EDIL3: variants seen among roughly 807,000 people sequenced by gnomAD.
The protein encoded by EDIL3 is EGF-like repeat and discoidin I-like domain-containing protein 3.
In EDIL3, 37 loss-of-function variants were observed where a neutral mutation model predicts 67.4. That is an observed-to-expected ratio of 0.55 (90% CI 0.42 to 0.72). The LOEUF is 0.72. EDIL3 is among the 30% of genes least tolerant of loss of function. The pLI is 0.00. For missense variants in EDIL3, 527 were observed against 586.3 expected (o/e 0.90, Z 1.04); for synonymous variants, 195 against 196.3 (o/e 0.99, Z 0.05).
At chr5:84,278,093 T>A (rs1046103611) in intron 1 of EDIL3, among the ~76,000 whole-genome samples, 5 of 152,158 alleles carry the variant, frequency 3.3e-5, no homozygotes, top group African/African-American at 1.2e-4. Context: ...CTCTATTTTA[T>A]AAATGGAAAG....
intron 5 of EDIL3, among the ~76,000 whole-genome samples, chr5:84,109,118 G>A (rs1320253629): frequency 6.6e-6 from 1 of 152,130 alleles, no homozygotes; most frequent in East Asian, 1.9e-4. Flanking sequence ...AAATACCAAT[G>A]AGCGATTTTG....
intron 10 of EDIL3, among the ~76,000 whole-genome samples, chr5:83,946,640 C>T (rs1289697443): frequency 2.6e-5 from 4 of 151,792 alleles, no homozygotes; most frequent in South Asian, 2.1e-4. Flanking sequence ...TTTTATAAGA[C>T]GAGCTACCAT....
chr5:84,016,194 A>C (rs1055013697), intron 9 of EDIL3, among the ~76,000 whole-genome samples: 13 of 152,054 alleles, frequency 8.5e-5, no homozygotes, highest in African/African-American at 2.9e-4. Context: ...CATGTTGTAA[A>C]TCTGTTTTAT....
At chr5:84,382,174 C>T (rs1477886694) in intron 1 of EDIL3, among the ~76,000 whole-genome samples, 2 of 152,216 alleles carry the variant, frequency 1.3e-5, no homozygotes, top group African/African-American at 4.8e-5. Flanking sequence ...TTCCCCTGTC[C>T]TCACAAGCTA....
chr5:84,012,546 C>T (rs1255813729), intron 9 of EDIL3, among the ~76,000 whole-genome samples: 1 of 152,006 alleles, frequency 6.6e-6, no homozygotes, highest in African/African-American at 2.4e-5. Context: ...TTGATGTTCA[C>T]ATTAGAAAAA....
chr5:83,943,334 C>A lies in EDIL3; in HGVS notation c.*85G>T. The A allele has an allele frequency of 1.5e-5, 21 of 1,435,844 alleles. No individual in the cohort carries two copies. Among genetic ancestry groups the A allele is most frequent in the African/African-American group, 2.9e-5 (2 of 68,578 alleles). The allele number at this position is 1,435,844 out of a possible 1,614,324, so 88.9% of individuals were successfully genotyped here. On this transcript the variant is annotated 3_prime_UTR_variant, in exon 11 of 11. Coordinates refer to ENST00000296591, the MANE Select transcript of EDIL3 (RefSeq NM_005711.5). Reference sequence around the variant, plus strand: ...TCATGAAAAAAAAAAAAAAACCATTCAGTTTCCTACAGATTTTGCACAGTT... The same window carrying A: ...TCATGAAAAAAAAAAAAAAACCATTAAGTTTCCTACAGATTTTGCACAGTT...
At position 84,384,860 on chromosome 5, in the gene EDIL3, A is replaced by G. The variant is rs1341632425; in HGVS notation, c.-486T>C. The G allele has an allele frequency of 2.0e-5, 3 of 152,380 alleles. No homozygotes were observed. In the East Asian group the frequency reaches 5.9e-4, roughly 30 times the overall value. The allele number at this position is 152,380 out of a possible 1,614,324, so 9.4% of individuals were successfully genotyped here. On this transcript the variant is annotated 5_prime_UTR_variant, in exon 1 of 11. Coordinates refer to ENST00000296591, the MANE Select transcript of EDIL3 (RefSeq NM_005711.5). ...GGGCCGCCGGGAGCGCACTGTGTAC[A>G]AACAGAGGCGGCGTGCGTGTGAGTC...
chr5:84,376,222 T>C (rs1344818208), intron 1 of EDIL3, among the ~76,000 whole-genome samples: 2 of 152,162 alleles, frequency 1.3e-5, no homozygotes, highest in Non-Finnish European at 2.9e-5. Flanking sequence ...GTGGAACACA[T>C]AGTATGCAGT....
chr5:83,951,603 G>A (rs189748209), intron 10 of EDIL3, among the ~76,000 whole-genome samples: 77 of 151,438 alleles, frequency 5.1e-4, no homozygotes, highest in African/African-American at 1.5e-3. Context: ...CCACATTTCC[G>A]GCCCTTCATT....
chr5:84,257,473 G>A (rs1745141962), intron 1 of EDIL3, among the ~76,000 whole-genome samples: 3 of 151,968 alleles, frequency 2.0e-5, no homozygotes, highest in African/African-American at 4.8e-5. Context: ...ACTATCTTTT[G>A]AAAGGGAGAA....
chr5:84,209,281 C>A (rs962053568), intron 3 of EDIL3, among the ~76,000 whole-genome samples: 7 of 151,846 alleles, frequency 4.6e-5, no homozygotes, highest in African/African-American at 1.7e-4. Context: ...TGCTAAATGA[C>A]GAGTTAATGG....
chr5:84,125,752 C>T (rs886411700), intron 5 of EDIL3, among the ~76,000 whole-genome samples: 3 of 151,964 alleles, frequency 2.0e-5, no homozygotes, highest in African/African-American at 7.2e-5. Flanking sequence ...AACTCTTATA[C>T]CAGCTGCATT....
intron 1 of EDIL3, among the ~76,000 whole-genome samples, chr5:84,289,115 T>C (rs1032605382): frequency 3.3e-5 from 5 of 152,104 alleles, no homozygotes; most frequent in African/African-American, 1.2e-4. Context: ...ATTCAATAGT[T>C]TCCATCTAGA....
chr5:84,384,165 A>T lies in EDIL3; in HGVS notation c.67+143T>A, dbSNP rs1748165011. On this transcript the variant is annotated intron_variant, in intron 1 of 10. Transcript: ENST00000296591. ...TTACAAGCACTTTCTCGGGGCACCC[A>T]GGACTCGACGCCTCCTCCGCGCCGC... The T allele has an allele frequency of 6.0e-6, 6 of 999,226 alleles. No homozygotes were observed. The South Asian group carries it at 9.6e-5, about 16-fold the overall frequency. 61.9% of individuals were successfully genotyped at this position (999,226 alleles called of 1,614,324 possible). A position where few individuals can be genotyped will look rare whatever the true frequency, so the allele number is the denominator to read the frequency against.
chr5:84,166,458 T>G (rs1580357369), intron 4 of EDIL3, among the ~76,000 whole-genome samples: 1 of 152,296 alleles, frequency 6.6e-6, no homozygotes, highest in South Asian at 2.1e-4. Flanking sequence ...ATTCATTGGT[T>G]AACACACCAA....
chr5:84,208,910 A>T (rs989008587), intron 3 of EDIL3, among the ~76,000 whole-genome samples: 18 of 152,092 alleles, frequency 1.2e-4, no homozygotes, highest in Non-Finnish European at 1.8e-4. Flanking sequence ...ATGCTGCTAT[A>T]AAGACACATG....
chr5:84,311,312 C>CTTTT (rs900034474), intron 1 of EDIL3, among the ~76,000 whole-genome samples: 15 of 93,896 alleles, frequency 1.6e-4, no homozygotes, highest in Admixed American at 3.1e-4. Flanking sequence ...AATGTATTTT[C>CTTTT]TTTTTTTTTT....
At chr5:84,209,233 G>C (rs555944712) in intron 3 of EDIL3, among the ~76,000 whole-genome samples, 3 of 151,508 alleles carry the variant, frequency 2.0e-5, no homozygotes, top group Non-Finnish European at 4.4e-5. Context: ...TGTGGGGTGG[G>C]GGGAGAGGGG....
intron 1 of EDIL3, among the ~76,000 whole-genome samples, chr5:84,375,820 G>A (rs910202891): frequency 6.6e-6 from 1 of 152,060 alleles, no homozygotes; most frequent in Non-Finnish European, 1.5e-5. Context: ...AACACTTTCT[G>A]ACCAAATGAA....
Sources: allele counts gnomAD v4.1 joint callset (sites outside exome capture counted in the v4.1 genomes callset), GRCh38; gene constraint gnomAD v4.1.1; transcripts MANE v1.5; gene names NCBI Gene and HGNC (gene_info 2026-07-23, HGNC 2026-07-21).